LDLRAD3: variants seen among roughly 807,000 people sequenced by gnomAD.
LDLRAD3 encodes low-density lipoprotein receptor class A domain-containing protein 3.
LDLRAD3 carries 20 observed loss-of-function variants against 29.4 expected under a neutral mutation model. The ratio of observed to expected loss-of-function variants is 0.68; its 90% CI spans 0.48 to 0.99. The LOEUF (loss-of-function observed/expected upper bound fraction) is 0.99. Among genes scored for constraint, LDLRAD3 ranks in the 50% least tolerant of loss-of-function variants. The probability of loss-of-function intolerance (pLI) is 0.00; values close to 1 mark genes in which losing one functional copy is unlikely to be tolerated. For missense variants in LDLRAD3, 420 were observed against 454.3 expected (o/e 0.92, Z 0.69); for synonymous variants, 157 against 192.7 (o/e 0.81, Z 1.53).
At chr11:36,116,151 C>T (rs1211218088) in intron 4 of LDLRAD3, among the ~76,000 whole-genome samples, 3 of 152,270 alleles carry the variant, frequency 2.0e-5, no homozygotes, top group Non-Finnish European at 2.9e-5. Context: ...AGTTCCATTC[C>T]CCATGGACCA....
intron 1 of LDLRAD3, among the ~76,000 whole-genome samples, chr11:35,963,490 A>T (rs1284714478): frequency 6.7e-6 from 1 of 149,294 alleles, no homozygotes; most frequent in Non-Finnish European, 1.5e-5. Flanking sequence ...AGTTTTAGTT[A>T]TTCAGGGAGA....
At chr11:35,958,101 A>G (rs1851228227) in intron 1 of LDLRAD3, among the ~76,000 whole-genome samples, 1 of 152,348 alleles carries the variant, frequency 6.6e-6, no homozygotes, top group East Asian at 1.9e-4. Context: ...CTATGCAGAC[A>G]TTAAGAAGGA....
chr11:36,030,894 G>A lies in LDLRAD3; in HGVS notation c.47-5209G>A, dbSNP rs111965170. On this transcript the variant is annotated intron_variant, in intron 1 of 5. Transcript: ENST00000315571. ...GGATGGAATTCCCATTTCTCAGCTGGAAAAGTCAACATCACTAACTGCATG... is the reference window on the plus strand; with the variant it reads ...GGATGGAATTCCCATTTCTCAGCTGAAAAAGTCAACATCACTAACTGCATG... Among the ~76,000 whole-genome samples, 1,003 of 152,312 alleles carry A rather than the reference G, an allele frequency of 6.6e-3. 6 individuals carry two copies. The highest frequency in any genetic ancestry group is 0.044 in the Middle Eastern group (13 of 294).
At position 36,182,136 on chromosome 11, in the gene LDLRAD3, G is replaced by A. The variant is rs149773313; in HGVS notation, c.455-44949G>A. Among the ~76,000 whole-genome samples the A allele has an allele frequency of 9.8e-3, 1,493 of 152,298 alleles. 25 individuals carry two copies. Among genetic ancestry groups the A allele is most frequent in the African/African-American group, 0.03 (1,256 of 41,550 alleles). ...TAGACAGGAGTGGTGGAAGTAGCCAGTAACAAATCATTGAAGTGAGGAGAA... is the reference window on the plus strand; with the variant it reads ...TAGACAGGAGTGGTGGAAGTAGCCAATAACAAATCATTGAAGTGAGGAGAA... On this transcript the variant is annotated intron_variant, in intron 4 of 5. Transcript: ENST00000315571.
In LDLRAD3 at chr11:36,199,360, C is replaced by T. The variant is rs12273289; in HGVS notation, c.455-27725C>T. On this transcript the variant is annotated intron_variant, in intron 4 of 5. Transcript: ENST00000315571. ...CTGAAATTGTTGAAGGCTCAGATCACAAAAGTCACCTTTATAGAAGATACT... is the reference window on the plus strand; with the variant it reads ...CTGAAATTGTTGAAGGCTCAGATCATAAAAGTCACCTTTATAGAAGATACT... 5.3e-3 allele frequency among the ~76,000 whole-genome samples: 814 copies of T among 152,280 alleles called. 13 individuals are homozygous for T. Among genetic ancestry groups the T allele is most frequent in the African/African-American group, 0.019 (777 of 41,556 alleles).
At chr11:36,067,786 C>A (rs904930289) in intron 2 of LDLRAD3, among the ~76,000 whole-genome samples, 3 of 152,206 alleles carry the variant, frequency 2.0e-5, no homozygotes, top group Non-Finnish European at 1.5e-5. Context: ...TCCTCCCACC[C>A]CAGCCTCCAG....
Position 35,944,758 on chromosome 11 carries a change from A to G in LDLRAD3, c.46+614A>G. Among the ~76,000 whole-genome samples the G allele has an allele frequency of 6.6e-6, 1 of 152,150 alleles. No homozygotes were observed. The highest frequency in any genetic ancestry group is 1.9e-4 in the East Asian group (1 of 5,174). ...TTTCCCCACTGATCCTGGGAACCGA[A>G]GCTTTATTTAAGACGTCTGACCACC... On this transcript the variant is annotated intron_variant, in intron 1 of 5. Transcript: ENST00000315571. This position sits in a 1 kb window ranked among gnomAD's most constrained non-coding sequence, Gnocchi z 4.9.
intron 3 of LDLRAD3, among the ~76,000 whole-genome samples, chr11:36,083,773 CACACA>C (rs745740417): frequency 2.4e-4 from 30 of 122,454 alleles, no homozygotes; most frequent in Admixed American, 8.2e-4. Flanking sequence ...CACACACACA[CACACA>C]CACCCCAGAA....
chr11:36,008,498 T>G (rs262406), intron 1 of LDLRAD3, among the ~76,000 whole-genome samples: 2 of 152,274 alleles, frequency 1.3e-5, no homozygotes, highest in East Asian at 3.9e-4. Context: ...GGTCAAGAAA[T>G]GTAACTTTAA....
At chr11:36,177,257 C>T (rs772609493) in intron 4 of LDLRAD3, among the ~76,000 whole-genome samples, 1 of 152,122 alleles carries the variant, frequency 6.6e-6, no homozygotes, top group Non-Finnish European at 1.5e-5. Context: ...TTGGTTTTCA[C>T]CTTTCTCTGG....
chr11:36,077,407 G>T (rs1406655292), intron 2 of LDLRAD3, among the ~76,000 whole-genome samples: 2 of 152,192 alleles, frequency 1.3e-5, no homozygotes, highest in Non-Finnish European at 2.9e-5. Context: ...CCCAAGTTTT[G>T]CTCTGGCCTG....
At chr11:35,947,470 G>A (rs1851072243) in intron 1 of LDLRAD3, among the ~76,000 whole-genome samples, 2 of 151,100 alleles carry the variant, frequency 1.3e-5, no homozygotes, top group Non-Finnish European at 2.9e-5. Context: ...AGATCGCGCC[G>A]CTGCACTCCA....
chr11:36,061,001 CA>C lies in LDLRAD3; in HGVS notation c.194-20651del, dbSNP rs567777137. 6.1e-4 allele frequency among the ~76,000 whole-genome samples: 93 copies of C among 152,314 alleles called. 1 individual carries two copies. Among genetic ancestry groups the C allele is most frequent in the African/African-American group, 2.1e-3 (89 of 41,566 alleles). On this transcript the variant is annotated intron_variant, in intron 2 of 5. Coordinates refer to ENST00000315571, the MANE Select transcript of LDLRAD3 (RefSeq NM_174902.4). The stretch of plus-strand genomic sequence containing the variant: ...ACTGTGATGCTTCCTGTCTTCTGTG[CA>C]GTGTTGGTAATCATTCCTGCCTCAC...
intron 1 of LDLRAD3, among the ~76,000 whole-genome samples, chr11:35,982,812 G>A (rs1407438487): frequency 6.8e-6 from 1 of 147,474 alleles, no homozygotes. Context: ...CACTGCTTGT[G>A]ACATTTCTTG....
chr11:36,067,715 C>T (rs79112257), intron 2 of LDLRAD3, among the ~76,000 whole-genome samples: 7,935 of 152,248 alleles, frequency 0.052, 668 homozygotes, highest in African/African-American at 0.18. Flanking sequence ...CTGTCACCCA[C>T]GCTAGAGTGC....
At chr11:35,947,840 C>T (rs574617978) in intron 1 of LDLRAD3, among the ~76,000 whole-genome samples, 2 of 152,266 alleles carry the variant, frequency 1.3e-5, no homozygotes, top group South Asian at 2.1e-4. Context: ...AGTGCTCTTG[C>T]GAATTGACAC....
intron 2 of LDLRAD3, among the ~76,000 whole-genome samples, chr11:36,057,285 G>A (rs548404792): frequency 6.6e-6 from 1 of 152,304 alleles, no homozygotes; most frequent in Admixed American, 6.5e-5. Context: ...TATTGGGTTT[G>A]GGATGGGGCC....
At chr11:36,167,115 C>T (rs976907125) in intron 4 of LDLRAD3, among the ~76,000 whole-genome samples, 8 of 152,080 alleles carry the variant, frequency 5.3e-5, no homozygotes, top group African/African-American at 9.7e-5. Context: ...TGCAGTTGTT[C>T]GGGGCTAGCT....
Position 35,955,148 on chromosome 11 carries a change from G to C in LDLRAD3, c.46+11004G>C, listed in dbSNP as rs1222128129. 3.3e-5 allele frequency among the ~76,000 whole-genome samples: 5 copies of C among 152,342 alleles called. No individual in the cohort carries two copies. The East Asian group carries it at 9.7e-4, about 29-fold the overall frequency. ...TAATCCCAGCTACTCGGGAGGCCGA[G>C]GCACGAGAATCGCTTGAACCTGGGA... is the stretch of plus-strand genomic sequence containing the variant. On this transcript the variant is annotated intron_variant, in intron 1 of 5. Transcript: ENST00000315571.
Sources: gnomAD v4.1 joint callset for allele counts (sites outside exome capture counted in the v4.1 genomes callset) on GRCh38, gnomAD v4.1.1 for gene constraint, Gnocchi (gnomAD v3.1) non-coding constraint, MANE v1.5 for transcripts, NCBI Gene and HGNC (gene_info 2026-07-23, HGNC 2026-07-21) for gene names.